Variants in NEB observed in about 807,000 individuals in gnomAD.
NEB encodes the protein nemaline myopathy type 2.
Under a neutral mutation model 952.2 loss-of-function variants are expected in NEB, and 512 were observed. The ratio of observed to expected loss-of-function variants is 0.54; its 90% CI spans 0.50 to 0.58. The LOEUF (loss-of-function observed/expected upper bound fraction) is 0.58. Ranked by LOEUF, NEB falls within the 20% of genes least tolerant of loss-of-function variation. NEB has a pLI of 0.00. For synonymous variants in NEB, 2,900 were observed against 3,149.8 expected (o/e 0.92, Z 2.66); for missense variants, 8,428 against 9,231.1 (o/e 0.91, Z 3.56).
At position 151,650,900 on chromosome 2, in the gene NEB, A is replaced by C; in HGVS notation, c.6916-15T>G. 1 of 1,591,302 alleles carries C rather than the reference A, an allele frequency of 6.3e-7. No homozygotes were observed. Among genetic ancestry groups the C allele is most frequent in the Non-Finnish European group, 8.6e-7 (1 of 1,167,580 alleles). On this transcript the variant is annotated splice_polypyrimidine_tract_variant and intron_variant, in intron 52 of 181. Coordinates refer to ENST00000397345, the MANE Select transcript of NEB (RefSeq NM_001164508.2). ...TTGTATTTATACTGAAATCAGAGAA[A>C]ACACAGCTCTTTTAGTACACAAAGG...
intron 3 of NEB, among the ~76,000 whole-genome samples, chr2:151,730,535 G>T (rs1163300016): frequency 1.3e-5 from 2 of 150,450 alleles, no homozygotes; most frequent in Admixed American, 1.3e-4. Context: ...CTGCTCTGTA[G>T]GGTGAACAGA....
At chr2:151,727,233 C>T (rs1174964371) in intron 5 of NEB, among the ~76,000 whole-genome samples, 2 of 152,118 alleles carry the variant, frequency 1.3e-5, no homozygotes, top group African/African-American at 4.8e-5. Flanking sequence ...AGTTCTTAGT[C>T]TGATCTTGGA....
intron 138 of NEB, 28 bp from the exon 139 acceptor site, chr2:151,538,272 C>CA (rs759896153): frequency 8.9e-5 from 132 of 1,490,376 alleles, no homozygotes; most frequent in Non-Finnish European, 1.1e-4. Flanking sequence ...ACATGAATTA[C>CA]AAAAAAACTA....
At chr2:151,677,092 T>A (rs2099366695) in intron 34 of NEB, among the ~76,000 whole-genome samples, 1 of 152,082 alleles carries the variant, frequency 6.6e-6, no homozygotes, top group African/African-American at 2.4e-5. Context: ...CTGTGATAAT[T>A]GTGTATGCTG....
At chr2:151,648,674 A>G (rs1366859684) in intron 54 of NEB, among the ~76,000 whole-genome samples, 3 of 152,178 alleles carry the variant, frequency 2.0e-5, no homozygotes, top group African/African-American at 7.2e-5. Context: ...GCTTCTACCC[A>G]CTAGATGCCA....
Position 151,609,910 on chromosome 2 carries a change from C to T in NEB, c.12229G>A (p.Val4077Ile), listed in dbSNP as rs1364749818. The change falls in exon 81 of 182, where the codon GTC becomes ATC. Residue 4077 changes from valine (V) to isoleucine (I), a missense_variant. Transcript: ENST00000397345. ...ILLAKKCQTL[V>I]TDIDYRNYLH... Reference sequence around the variant, plus strand: ...TAATTGCGATAATCAATGTCAGTGACCAAAGTCTGACATTTCTTGGCCAGC... The same window carrying T: ...TAATTGCGATAATCAATGTCAGTGATCAAAGTCTGACATTTCTTGGCCAGC... The T allele has an allele frequency of 3.1e-6, 5 of 1,613,772 alleles. No homozygotes were observed. Among genetic ancestry groups the T allele is most frequent in the Admixed American group, 3.3e-5 (2 of 59,992 alleles).
At chr2:151,632,252 A>G (rs1050335007) in intron 65 of NEB, among the ~76,000 whole-genome samples, 9 of 152,158 alleles carry the variant, frequency 5.9e-5, no homozygotes, top group African/African-American at 1.9e-4. Flanking sequence ...GGCTCATTGG[A>G]AAGATTTCAC....
rs1419430871 is a variant in NEB at position 151,679,769 on chromosome 2, A to C, written c.3207T>G (p.Asp1069Glu). The change falls in exon 32 of 182, where the codon GAT becomes GAG. Residue 1069 changes from aspartate (D) to glutamate (E), a missense_variant. Transcript: ENST00000397345. ...LSKKGYDLRT[D>E]AIPIRAAKAA... ...CTTTGGCAGCTCTGATGGGAATCGC[A>C]TCAGTTCTCAGGTCATATCCCTTCT... The C allele has an allele frequency of 6.2e-7, 1 of 1,608,742 alleles. No individual in the cohort carries two copies. The highest frequency in any genetic ancestry group is 8.5e-7 in the Non-Finnish European group (1 of 1,177,390).
At position 151,633,644 on chromosome 2, in the gene NEB, C is replaced by T. The variant is rs1175931667; in HGVS notation, c.9414+10G>A. The T allele has an allele frequency of 7.5e-6, 12 of 1,605,746 alleles. No homozygotes were observed. Among genetic ancestry groups the T allele is most frequent in the East Asian group, 2.2e-5 (1 of 44,704 alleles). ...CTATGCACAGCTCCATTTATAGATG[C>T]TGTACTCACGTCACTCTGGAGGTCA... On this transcript the variant is annotated intron_variant, in intron 65 of 181. Coordinates refer to ENST00000397345, the MANE Select transcript of NEB (RefSeq NM_001164508.2).
intron 10 of NEB, among the ~76,000 whole-genome samples, chr2:151,713,583 C>G (rs1476651656): frequency 1.3e-5 from 2 of 152,234 alleles, no homozygotes; most frequent in Middle Eastern, 3.4e-3. Flanking sequence ...GAAATTCCAA[C>G]CTGAAATCTC....
chr2:151,546,937 G>A (rs2094793662), intron 133 of NEB, among the ~76,000 whole-genome samples: 1 of 152,096 alleles, frequency 6.6e-6, no homozygotes, highest in African/African-American at 2.4e-5. Context: ...CTAACCCTGA[G>A]CTGAGGAGAG....
At chr2:151,561,452 C>G (rs2096039654) in intron 121 of NEB, 140 bp from the exon 122 acceptor site, 1 of 642,596 alleles carries the variant, frequency 1.6e-6, no homozygotes, top group Non-Finnish European at 2.7e-6. Context: ...TTCTAGAGTC[C>G]TGCAGACTTT....
intron 77 of NEB, among the ~76,000 whole-genome samples, chr2:151,613,210 A>G (rs1280855653): frequency 6.6e-6 from 1 of 152,234 alleles, no homozygotes; most frequent in Non-Finnish European, 1.5e-5. Context: ...AAAGGACTCT[A>G]CTGGCCAACA....
At chr2:151,522,987 T>C (rs1286585432) in intron 153 of NEB, among the ~76,000 whole-genome samples, 1 of 152,208 alleles carries the variant, frequency 6.6e-6, no homozygotes, top group Admixed American at 6.5e-5. Flanking sequence ...CCATTCTCCA[T>C]ACCATAGGAT....
At chr2:151,663,913 C>T in intron 44 of NEB, 54 bp from the exon 45 acceptor site, 2 of 1,527,354 alleles carry the variant, frequency 1.3e-6, no homozygotes, top group South Asian at 2.4e-5. Context: ...GAACAAAGTA[C>T]CATTTGCTAG....
chr2:151,492,651 T>G (rs948100615), intron 176 of NEB, 157 bp from the exon 177 acceptor site: 1 of 450,952 alleles, frequency 2.2e-6, no homozygotes, highest in Non-Finnish European at 3.9e-6. Flanking sequence ...CAGGCTAATC[T>G]GGGGACCAGA....
At position 151,498,322 on chromosome 2, in the gene NEB, T is replaced by C. The variant is rs2061745287; in HGVS notation, c.24145A>G (p.Ile8049Val). The change falls in exon 170 of 182, where the codon ATT (isoleucine) becomes GTT (valine). Residue 8049 changes from isoleucine to valine, a missense_variant. By Grantham distance (29) the Ile-to-Val change is conservative. Coordinates refer to ENST00000397345, the MANE Select transcript of NEB (RefSeq NM_001164508.2). ...ATCTCAGGAGTGATGGGGATTGGAA[T>C]TCCTGTCCCCAGGTTTTCTTTGTAT... ...VLYKENLGTG[I>V]PIPITPEMQR... The C allele has an allele frequency of 4.5e-6, 7 of 1,551,356 alleles. No homozygotes were observed. The highest frequency in any genetic ancestry group is 2.0e-5 in the Admixed American group (1 of 50,980).
At position 151,724,888 on chromosome 2, in the gene NEB, T is replaced by C; in HGVS notation, c.476A>G (p.His159Arg). 3.1e-6 allele frequency: 5 copies of C among 1,613,840 alleles called. No homozygotes were observed. The highest frequency in any genetic ancestry group is 4.2e-6 in the Non-Finnish European group (5 of 1,179,816). ...HVDEKAKDIEHAKKVSQQVSK... is the reference protein window; with the variant it reads ...HVDEKAKDIERAKKVSQQVSK... Reference sequence around the variant, plus strand: ...GACTTGCTGCGACACTTTCTTTGCATGTTCAATATCCTTTGCTTTTTCATC... The same window carrying C: ...GACTTGCTGCGACACTTTCTTTGCACGTTCAATATCCTTTGCTTTTTCATC... Residue 159 changes from histidine to arginine, a missense_variant, in exon 7 of 182, where the codon CAT becomes CGT. Coordinates refer to ENST00000397345, the MANE Select transcript of NEB (RefSeq NM_001164508.2).
At chr2:151,556,195 T>C (rs1411393738) in intron 124 of NEB, among the ~76,000 whole-genome samples, 1 of 152,180 alleles carries the variant, frequency 6.6e-6, no homozygotes, top group African/African-American at 2.4e-5. Context: ...TCTAATGAAG[T>C]TTATTTCTAA....
Sources: allele counts gnomAD v4.1 joint callset (sites outside exome capture counted in the v4.1 genomes callset), GRCh38; gene constraint gnomAD v4.1.1; transcripts MANE v1.5; gene names NCBI Gene and HGNC (gene_info 2026-07-23, HGNC 2026-07-21).